Variants in RTTN observed in about 807,000 individuals in gnomAD.
RTTN encodes rotatin.
Under a neutral mutation model 269.2 loss-of-function variants are expected in RTTN, and 182 were observed. The ratio of observed to expected loss-of-function variants is 0.68; its 90% confidence interval spans 0.60 to 0.76. RTTN has a LOEUF of 0.76. Among genes scored for constraint, RTTN ranks in the 30% least tolerant of loss-of-function variants. The probability of loss-of-function intolerance (pLI) is 0.00; values close to 1 mark genes in which losing one functional copy is unlikely to be tolerated. For synonymous variants in RTTN, 1,006 were observed against 963.5 expected (o/e 1.04, Z -0.82); for missense variants, 2,545 against 2,608.6 (o/e 0.98, Z 0.53).
intron 38 of RTTN, 94 bp from the exon 39 acceptor site, chr18:70,051,642 T>A: frequency 1.1e-6 from 1 of 877,322 alleles, no homozygotes; most frequent in Non-Finnish European, 1.7e-6. Context: ...TTCATTACAC[T>A]TAAAATGAGG....
At chr18:70,105,640 T>C (rs970919978) in intron 28 of RTTN, among the ~76,000 whole-genome samples, 1 of 152,186 alleles carries the variant, frequency 6.6e-6, no homozygotes, top group Non-Finnish European at 1.5e-5. Flanking sequence ...CCGAAATTTA[T>C]TTTATTAAAG....
Position 70,004,210 on chromosome 18 carries a change from G to C in RTTN, c.6622C>G (p.Leu2208Val). Residue 2208 changes from leucine (L) to valine (V), a missense_variant, in exon 49 of 49, where the codon CTA becomes GTA. By Grantham distance (32) the Leu-to-Val change is conservative (BLOSUM62 1). Coordinates refer to ENST00000640769, the MANE Select transcript of RTTN (RefSeq NM_173630.4). Reference sequence around the variant, plus strand: ...AGACATTTCAAATAATAGGCATTTAGAGGGTTTGCTTCTGAGTTTGGGAAA... The same window carrying C: ...AGACATTTCAAATAATAGGCATTTACAGGGTTTGCTTCTGAGTTTGGGAAA... ...KTFPNSEANP[L>V]NAYYLKCLEN... The C allele has an allele frequency of 1.2e-6, 2 of 1,613,784 alleles. No homozygotes were observed. The highest frequency in any genetic ancestry group is 1.7e-6 in the Non-Finnish European group (2 of 1,179,706).
At position 70,017,641 on chromosome 18, in the gene RTTN, A is replaced by G. The variant is rs748843954; in HGVS notation, c.6187T>C (p.Leu2063=). 3.1e-6 allele frequency: 5 copies of G among 1,613,222 alleles called. No homozygotes were observed. In the Admixed American group the frequency reaches 5.0e-5, roughly 16 times the overall value. ...NFLQNFLSLA[L]PKGGNKHLSN... ...AGATGTTTATTTCCTCCTTTTGGCA[A>G]TGCTAGAGAGAGGAAGTTCTGTAAG... is the stretch of plus-strand genomic sequence containing the variant. Residue 2063 remains leucine, a synonymous_variant, in exon 46 of 49, where the codon TTG becomes CTG. Coordinates refer to ENST00000640769, the MANE Select transcript of RTTN (RefSeq NM_173630.4).
intron 10 of RTTN, among the ~76,000 whole-genome samples, chr18:70,184,926 A>G (rs1161961799): frequency 6.6e-6 from 1 of 151,886 alleles, no homozygotes; most frequent in Non-Finnish European, 1.5e-5. Context: ...AAGTTGAAGG[A>G]CTTATACTAC....
intron 34 of RTTN, among the ~76,000 whole-genome samples, chr18:70,068,718 G>T (rs529064615): frequency 6.6e-6 from 1 of 152,162 alleles, no homozygotes; most frequent in Admixed American, 6.5e-5. Context: ...TTACAACAGC[G>T]AGAGTCTAAT....
intron 5 of RTTN, among the ~76,000 whole-genome samples, chr18:70,198,658 G>C (rs2061873412): frequency 6.6e-6 from 1 of 152,164 alleles, no homozygotes; most frequent in South Asian, 2.1e-4. Flanking sequence ...CTTGTGGGTA[G>C]CAATCAATTA....
chr18:70,114,569 G>C lies in RTTN; in HGVS notation c.3559C>G (p.Leu1187Val), dbSNP rs748101620. The C allele has an allele frequency of 1.9e-5, 31 of 1,613,220 alleles. No homozygotes were observed. Among genetic ancestry groups the C allele is most frequent in the Non-Finnish European group, 2.2e-5 (26 of 1,179,514 alleles). The change falls in exon 27 of 49, where the codon CTG becomes GTG. Residue 1187 changes from leucine to valine, a missense_variant. Leu to Val is a conservative substitution (Grantham distance 32, BLOSUM62 1). Coordinates refer to ENST00000640769, the MANE Select transcript of RTTN (RefSeq NM_173630.4). ...SANPLLDLLV[L>V]TESQAREETD... ...TCTTCTCGTGCCTGTGACTCTGTCAGAACCAAGAGGTCTAACAGTGGGTTT... is the reference window on the plus strand; with the variant it reads ...TCTTCTCGTGCCTGTGACTCTGTCACAACCAAGAGGTCTAACAGTGGGTTT...
chr18:70,105,240 T>C (rs1431438229), intron 28 of RTTN, among the ~76,000 whole-genome samples: 4 of 152,222 alleles, frequency 2.6e-5, no homozygotes, highest in Non-Finnish European at 4.4e-5. Context: ...TGCAGTTCGA[T>C]CTCAGACTGC....
In RTTN at chr18:70,127,498, T is replaced by C. The variant is rs2059894812; in HGVS notation, c.3383+4A>G. 1 of 1,613,024 alleles carries C rather than the reference T, an allele frequency of 6.2e-7. No homozygotes were observed. Among genetic ancestry groups the C allele is most frequent in the Non-Finnish European group, 8.5e-7 (1 of 1,179,452 alleles). ...GAAACTGGCAGCCTTGACCTTACACTGACCTGTTTAGTGCGGTGTGCCAAG... is the reference window on the plus strand; with the variant it reads ...GAAACTGGCAGCCTTGACCTTACACCGACCTGTTTAGTGCGGTGTGCCAAG... On this transcript the variant is annotated splice_donor_region_variant and intron_variant, in intron 25 of 48. Transcript: ENST00000640769.
chr18:70,077,928 A>C (rs759156452), intron 32 of RTTN, among the ~76,000 whole-genome samples: 43 of 151,844 alleles, frequency 2.8e-4, no homozygotes, highest in Non-Finnish European at 5.5e-4. Flanking sequence ...AGAGAAAATA[A>C]ATTCAAGAGG....
chr18:70,075,724 A>G, intron 32 of RTTN, among the ~76,000 whole-genome samples, 183 bp from the exon 33 acceptor site: 1 of 152,054 alleles, frequency 6.6e-6, no homozygotes, highest in East Asian at 1.9e-4. Flanking sequence ...ATAATACTCT[A>G]GGTCTTTGCT....
chr18:70,111,529 C>T (rs1356758187), intron 27 of RTTN, among the ~76,000 whole-genome samples: 3 of 151,390 alleles, frequency 2.0e-5, no homozygotes, highest in African/African-American at 4.8e-5. Flanking sequence ...AGATCCCAAC[C>T]GAAGGTCACC....
intron 38 of RTTN, among the ~76,000 whole-genome samples, chr18:70,052,802 T>G (rs2057712013): frequency 6.6e-6 from 1 of 152,006 alleles, no homozygotes; most frequent in African/African-American, 2.4e-5. Flanking sequence ...TAGTGAACTT[T>G]TAAAACTTTT....
At chr18:70,094,807 G>A (rs1272724960) in intron 28 of RTTN, among the ~76,000 whole-genome samples, 1 of 151,326 alleles carries the variant, frequency 6.6e-6, no homozygotes, top group Non-Finnish European at 1.5e-5. Context: ...GGTCCGCTTG[G>A]TCCAGAGCTG....
intron 14 of RTTN, among the ~76,000 whole-genome samples, chr18:70,155,102 T>C (rs1432206527): frequency 6.6e-6 from 1 of 152,210 alleles, no homozygotes; most frequent in Non-Finnish European, 1.5e-5. Context: ...AGGCACTAGC[T>C]TCTTTTAATT....
intron 22 of RTTN, 118 bp from the exon 23 acceptor site, chr18:70,134,659 T>A: frequency 1.6e-6 from 1 of 641,332 alleles, no homozygotes; most frequent in East Asian, 2.8e-5. Flanking sequence ...TGCAACTGAG[T>A]CTATCATTTA....
At position 70,076,718 on chromosome 18, in the gene RTTN, G is replaced by C. The variant is rs190992187; in HGVS notation, c.4375-1177C>G. ...AGAAATAAGACTACTGTAATGAACA[G>C]CCAGCACATGGTGGTCACTGTCGTT... On this transcript the variant is annotated intron_variant, in intron 32 of 48. Coordinates refer to ENST00000640769, the MANE Select transcript of RTTN (RefSeq NM_173630.4). 6.9e-3 allele frequency among the ~76,000 whole-genome samples: 1,044 copies of C among 152,124 alleles called. 8 individuals carry two copies. Among genetic ancestry groups the C allele is most frequent in the African/African-American group, 0.024 (980 of 41,544 alleles).
At chr18:70,018,561 T>C (rs370791843) in intron 45 of RTTN, among the ~76,000 whole-genome samples, 2 of 152,332 alleles carry the variant, frequency 1.3e-5, no homozygotes, top group East Asian at 3.9e-4. Context: ...ATGTTGGCTT[T>C]AATCTATAAA....
intron 28 of RTTN, among the ~76,000 whole-genome samples, chr18:70,101,421 T>C (rs1311030523): frequency 1.3e-5 from 2 of 152,342 alleles, no homozygotes; most frequent in Middle Eastern, 3.4e-3. Context: ...TCGGTGTTGA[T>C]ATCCCCTTTA....
Sources: gnomAD v4.1 joint callset for allele counts (sites outside exome capture counted in the v4.1 genomes callset) on GRCh38, gnomAD v4.1.1 for gene constraint, MANE v1.5 for transcripts, NCBI Gene and HGNC (gene_info 2026-07-23, HGNC 2026-07-21) for gene names.